Variants in ANKMY1 observed in about 807,000 individuals in gnomAD.
ANKMY1 encodes ankyrin repeat and MYND domain-containing protein 1.
In ANKMY1, 98 loss-of-function variants were observed where a neutral mutation model predicts 102.0. That is an observed-to-expected ratio of 0.96 (90% CI 0.82 to 1.14). The LOEUF (loss-of-function observed/expected upper bound fraction) is 1.14. Ranked by LOEUF, ANKMY1 falls within the 50% of genes most tolerant of loss-of-function variation. ANKMY1 has a pLI of 0.00. For synonymous variants in ANKMY1, 582 were observed against 559.9 expected, an observed-to-expected ratio of 1.04 and a Z score of -0.56; for missense variants, 1,330 against 1,347.6, an observed-to-expected ratio of 0.99 and a Z score of 0.20.
chr2:240,520,188 A>G lies in ANKMY1; in HGVS notation c.2004+174T>C. 1.1e-6 allele frequency: 1 copy of G among 951,808 alleles called. No homozygotes were observed. The highest frequency in any genetic ancestry group is 1.7e-6 in the Non-Finnish European group (1 of 600,852). The allele number at this position is 951,808 out of a possible 1,614,324, so 59.0% of individuals were successfully genotyped here. On this transcript the variant is annotated intron_variant, in intron 9 of 17. Transcript: ENST00000401804. The surrounding 1 kb of genome is among the most constrained non-coding windows in gnomAD (Gnocchi z 4.8). ...CAAATCCTGTCTGGGGACATGGGTG[A>G]AAGAGCGGGCTGTGGGACCCCCCAC...
chr2:240,560,723 G>A (rs1006526301), upstream of ANKMY1: 1 of 1,524,230 alleles, frequency 6.6e-7, no homozygotes, highest in African/African-American at 1.4e-5. Flanking sequence ...GGGCCGCCTC[G>A]CCCGTACCTC....
chr2:240,488,470 A>T (rs1165384559), intron 15 of ANKMY1, among the ~76,000 whole-genome samples: 7 of 152,064 alleles, frequency 4.6e-5, no homozygotes, highest in Admixed American at 3.9e-4. Context: ...TTGGTTCTAT[A>T]TGAATTTTAG....
chr2:240,532,776 CT>C lies in ANKMY1; in HGVS notation c.481-3268del, dbSNP rs982794484. Among the ~76,000 whole-genome samples the C allele has an allele frequency of 1.7e-4, 26 of 152,362 alleles. No individual in the cohort carries two copies. The East Asian group carries it at 3.1e-3, about 18-fold the overall frequency. ...CACCCAAAGTTTCCTCCAATCCCCCCTATATATGTCCTCAAATTCCTGGGCT... is the reference window on the plus strand; with the variant it reads ...CACCCAAAGTTTCCTCCAATCCCCCCATATATGTCCTCAAATTCCTGGGCT... On this transcript the variant is annotated intron_variant, in intron 4 of 17. Transcript: ENST00000401804.
intron 4 of ANKMY1, among the ~76,000 whole-genome samples, chr2:240,549,922 T>C (rs1223214437): frequency 2.0e-5 from 3 of 151,964 alleles, no homozygotes; most frequent in African/African-American, 4.8e-5. Context: ...TTGGTGGGAC[T>C]GTAAACTAGT....
chr2:240,512,730 C>T (rs1298117798), intron 10 of ANKMY1, 72 bp downstream of exon 10: 2 of 1,516,976 alleles, frequency 1.3e-6, no homozygotes, highest in African/African-American at 1.4e-5. Flanking sequence ...ACAGGCTAGG[C>T]AGAGTGTGTG....
In ANKMY1 at chr2:240,525,811, G is replaced by C; in HGVS notation, c.1209C>G (p.Asp403Glu). ...AGCACTTGTTCACGTCGGCCCCACA[G>C]TCCAGGAGAAGGTTGACAATGTCGT... ...CHNDIVNLLL[D>E]CGADVNKCSD... Residue 403 changes from aspartate to glutamate, a missense_variant, in exon 7 of 18, where the codon GAC becomes GAG. Asp to Glu is a conservative substitution (Grantham distance 45). Transcript: ENST00000401804. The C allele has an allele frequency of 1.2e-6, 2 of 1,614,166 alleles. No homozygotes were observed. Among genetic ancestry groups the C allele is most frequent in the Non-Finnish European group, 1.7e-6 (2 of 1,180,010 alleles).
chr2:240,526,500 GAA>G, intron 5 of ANKMY1, 55 bp from the exon 6 acceptor site: 1 of 1,608,304 alleles, frequency 6.2e-7, no homozygotes, highest in Non-Finnish European at 8.5e-7. Flanking sequence ...CCTCCCACGA[GAA>G]AGGGTCCAGC....
At chr2:240,516,371 T>C (rs1001467281) in intron 9 of ANKMY1, among the ~76,000 whole-genome samples, 2 of 152,184 alleles carry the variant, frequency 1.3e-5, no homozygotes, top group African/African-American at 4.8e-5. Context: ...TTAGGCTTAT[T>C]TGGCACGTTA....
At chr2:240,488,876 T>G (rs1017770107) in intron 15 of ANKMY1, among the ~76,000 whole-genome samples, 5 of 152,166 alleles carry the variant, frequency 3.3e-5, no homozygotes, top group Non-Finnish European at 7.4e-5. Context: ...GGTGGAGTCT[T>G]TAGGTTTTTC....
chr2:240,481,062 C>A lies in ANKMY1; in HGVS notation c.2921G>T (p.Arg974Leu). ...GGGCAAGAGGCGGACCCCGATGGAG[C>A]GGCCACACTGGTAGCAGAACTTGAA... The part of the protein sequence containing the change: ...PFFKFCYQCG[R>L]SIGVRLLPCP... Residue 974 changes from arginine (R) to leucine (L), a missense_variant, in exon 17 of 18, where the codon CGC (arginine) becomes CTC (leucine). By Grantham distance (102) the Arg-to-Leu change is moderately radical. Coordinates refer to ENST00000401804, the MANE Select transcript of ANKMY1 (RefSeq NM_001282771.3). 6.2e-7 allele frequency: 1 copy of A among 1,612,596 alleles called. No homozygotes were observed. Among genetic ancestry groups the A allele is most frequent in the South Asian group, 1.1e-5 (1 of 90,976 alleles).
intron 8 of ANKMY1, chr2:240,523,270 T>G (rs1254838371): frequency 6.5e-6 from 1 of 152,772 alleles, no homozygotes; most frequent in Non-Finnish European, 1.5e-5. Flanking sequence ...AGGAATACCA[T>G]GCCCCCAAGC....
chr2:240,537,117 G>A (rs2086975449), intron 4 of ANKMY1, among the ~76,000 whole-genome samples: 1 of 152,178 alleles, frequency 6.6e-6, no homozygotes, highest in African/African-American at 2.4e-5. Context: ...GCAGCCTGAG[G>A]AATGTGAGGT....
At chr2:240,549,052 G>T (rs1457124301) in intron 4 of ANKMY1, among the ~76,000 whole-genome samples, 1 of 151,166 alleles carries the variant, frequency 6.6e-6, no homozygotes, top group Non-Finnish European at 1.5e-5. Flanking sequence ...AGCCCGCATC[G>T]CCAAGTCAAT....
Position 240,509,246 on chromosome 2 carries a change from T to C in ANKMY1, c.2394+102A>G. The C allele has an allele frequency of 4.0e-6, 4 of 997,576 alleles. No individual in the cohort carries two copies. The South Asian group carries it at 6.7e-5, about 17-fold the overall frequency. The allele number at this position is 997,576 out of a possible 1,614,324, so 61.8% of individuals were successfully genotyped here. ...ATGAATGGATGGATGGATGGATGGATAAATGGCCAACAACTTCAAATCCCA... is the reference window on the plus strand; with the variant it reads ...ATGAATGGATGGATGGATGGATGGACAAATGGCCAACAACTTCAAATCCCA... On this transcript the variant is annotated intron_variant, in intron 12 of 17. Transcript: ENST00000401804.
intron 4 of ANKMY1, among the ~76,000 whole-genome samples, chr2:240,534,968 G>A (rs1201731664): frequency 1.3e-5 from 2 of 152,210 alleles, no homozygotes; most frequent in East Asian, 3.9e-4. Context: ...GTGTGATGGT[G>A]CATGCCTATG....
At chr2:240,549,045 C>T (rs2091002130) in intron 4 of ANKMY1, among the ~76,000 whole-genome samples, 1 of 151,526 alleles carries the variant, frequency 6.6e-6, no homozygotes, top group Non-Finnish European at 1.5e-5. Flanking sequence ...AAAAAAGAGC[C>T]CGCATCGCCA....
chr2:240,556,529 T>C (rs1446060573), intron 2 of ANKMY1, among the ~76,000 whole-genome samples: 1 of 152,056 alleles, frequency 6.6e-6, no homozygotes, highest in African/African-American at 2.4e-5. Context: ...TATGACACAC[T>C]GCCACCCTTT....
chr2:240,485,773 TG>T (rs2075990849), intron 15 of ANKMY1, among the ~76,000 whole-genome samples: 1 of 152,070 alleles, frequency 6.6e-6, no homozygotes, highest in Non-Finnish European at 1.5e-5. Flanking sequence ...AAAAAATTTT[TG>T]TAGAGACAGG....
chr2:240,531,420 C>T (rs1332404804), intron 4 of ANKMY1, among the ~76,000 whole-genome samples: 1 of 152,186 alleles, frequency 6.6e-6, no homozygotes, highest in African/African-American at 2.4e-5. Context: ...GATATATGTC[C>T]ACTTCCAATC....
Sources: gnomAD v4.1 joint callset for allele counts (sites outside exome capture counted in the v4.1 genomes callset) on GRCh38, gnomAD v4.1.1 for gene constraint, Gnocchi (gnomAD v3.1) non-coding constraint, MANE v1.5 for transcripts, NCBI Gene and HGNC (gene_info 2026-07-23, HGNC 2026-07-21) for gene names.